SIK2: variants seen among roughly 807,000 people sequenced by gnomAD.
SIK2 encodes serine/threonine-protein kinase SIK2.
In SIK2, 29 loss-of-function variants were observed where a neutral mutation model predicts 103.2. The ratio of observed to expected loss-of-function variants is 0.28; its 90% CI spans 0.21 to 0.38. The LOEUF is 0.38. SIK2 is among the 10% of genes least tolerant of loss of function. The pLI is 1.00. For synonymous variants in SIK2, 412 were observed against 446.1 expected (o/e 0.92, Z 0.96); for missense variants, 879 against 1,171.0 (o/e 0.75, Z 3.64).
At chr11:111,617,747 A>G (rs1356616397) in intron 2 of SIK2, among the ~76,000 whole-genome samples, 2 of 152,002 alleles carry the variant, frequency 1.3e-5, no homozygotes, top group Non-Finnish European at 1.5e-5. Flanking sequence ...TGTTGTGTAT[A>G]TTTTATAATG....
chr11:111,664,609 C>T lies in SIK2; in HGVS notation c.317-23392C>T, dbSNP rs144244747. 4.8e-4 allele frequency among the ~76,000 whole-genome samples: 73 copies of T among 152,252 alleles called. 1 individual carries two copies. The East Asian group carries it at 0.014, about 29-fold the overall frequency. The stretch of plus-strand genomic sequence containing the variant: ...GCAGCGTGGGCGACAGAGCGAGACT[C>T]CATCTCAAAGAAAAAGAAACCAGGT... On this transcript the variant is annotated intron_variant, in intron 3 of 14. Transcript: ENST00000304987.
At chr11:111,648,848 A>ACAT (rs1293340312) in intron 3 of SIK2, among the ~76,000 whole-genome samples, 3 of 151,972 alleles carry the variant, frequency 2.0e-5, no homozygotes, top group Non-Finnish European at 4.4e-5. Flanking sequence ...TTTCATCTGG[A>ACAT]ACAAAAATGA....
chr11:111,698,694 GA>G (rs1943138085), intron 4 of SIK2, among the ~76,000 whole-genome samples: 1 of 152,216 alleles, frequency 6.6e-6, no homozygotes, highest in Admixed American at 6.5e-5. Flanking sequence ...CTGGGCAACA[GA>G]GCAAGACCCT....
At position 111,602,711 on chromosome 11, in the gene SIK2, G is replaced by A. The variant is rs1351186659; in HGVS notation, c.135+13G>A. 1.3e-6 allele frequency: 2 copies of A among 1,498,340 alleles called. No individual in the cohort carries two copies. Among genetic ancestry groups the A allele is most frequent in the Non-Finnish European group, 8.9e-7 (1 of 1,121,674 alleles). The allele number at this position is 1,498,340 out of a possible 1,614,324, so 92.8% of individuals were successfully genotyped here. On this transcript the variant is annotated intron_variant, in intron 1 of 14. Coordinates refer to ENST00000304987, the MANE Select transcript of SIK2 (RefSeq NM_015191.3). The surrounding 1 kb of genome is among the most constrained non-coding windows in gnomAD (Gnocchi z 4.5). ...CACCAAGACGGAGGTGCGGCCCGGGGCTCGGCGGGAGCGTCCGAGGCGAGG... is the reference window on the plus strand; with the variant it reads ...CACCAAGACGGAGGTGCGGCCCGGGACTCGGCGGGAGCGTCCGAGGCGAGG...
intron 3 of SIK2, among the ~76,000 whole-genome samples, chr11:111,675,909 T>G (rs958798374): frequency 1.3e-5 from 2 of 152,168 alleles, no homozygotes; most frequent in African/African-American, 2.4e-5. Flanking sequence ...CGTCCCACCC[T>G]CCACCCTCAA....
At chr11:111,681,902 C>T (rs537216203) in intron 3 of SIK2, among the ~76,000 whole-genome samples, 1 of 152,306 alleles carries the variant, frequency 6.6e-6, no homozygotes, top group African/African-American at 2.4e-5. Flanking sequence ...TTAAATATCA[C>T]TTGGATACTT....
rs184033736 is a variant in SIK2, at chr11:111,644,221, G to C, written c.316+23819G>C. ...GGAGAATCACTTGAACCCAGGAGGCGGAGGTTGTGGTGAGCCGAGATCACG... is the reference window on the plus strand; with the variant it reads ...GGAGAATCACTTGAACCCAGGAGGCCGAGGTTGTGGTGAGCCGAGATCACG... On this transcript the variant is annotated intron_variant, in intron 3 of 14. Transcript: ENST00000304987. 5.3e-5 allele frequency among the ~76,000 whole-genome samples: 8 copies of C among 150,152 alleles called. No homozygotes were observed. The South Asian group carries it at 1.7e-3, about 32-fold the overall frequency.
Position 111,602,520 on chromosome 11 carries a change from C to T in SIK2, c.-44C>T. The T allele has an allele frequency of 1.4e-6, 2 of 1,433,752 alleles. No homozygotes were observed. The highest frequency in any genetic ancestry group is 1.8e-6 in the Non-Finnish European group (2 of 1,094,982). 88.8% of individuals were successfully genotyped at this position (1,433,752 alleles called of 1,614,324 possible). Reference sequence around the variant, plus strand: ...CCAAGCCGCGCTGCCAACCCTCCCGCCCGCCCGCGCTCCTGTCCGCCGTGT... The same window carrying T: ...CCAAGCCGCGCTGCCAACCCTCCCGTCCGCCCGCGCTCCTGTCCGCCGTGT... On this transcript the variant is annotated 5_prime_UTR_variant, in exon 1 of 15. Transcript: ENST00000304987. This position sits in a 1 kb window ranked among gnomAD's most constrained non-coding sequence, Gnocchi z 4.5.
intron 12 of SIK2, 60 bp downstream of exon 12, chr11:111,721,122 G>A: frequency 6.5e-7 from 1 of 1,531,424 alleles, no homozygotes; most frequent in East Asian, 2.3e-5. Context: ...AGTTTGTCCT[G>A]AAGATGGTCA....
chr11:111,658,671 A>C (rs553301964), intron 3 of SIK2, among the ~76,000 whole-genome samples: 1 of 152,120 alleles, frequency 6.6e-6, no homozygotes. Flanking sequence ...GAGCCCGGTG[A>C]TCAAGGATGC....
chr11:111,658,095 TTTATTTATTTA>T (rs1565336576), intron 3 of SIK2, among the ~76,000 whole-genome samples: 26 of 5,030 alleles, frequency 5.2e-3, no homozygotes, highest in African/African-American at 0.019. Context: ...TTTTATTTTA[TTTATTTATTTA>T]TTTATTTATT....
intron 3 of SIK2, among the ~76,000 whole-genome samples, chr11:111,621,978 G>C (rs992077178): frequency 2.7e-5 from 4 of 149,544 alleles, no homozygotes; most frequent in Non-Finnish European, 5.9e-5. Context: ...TTATGTTCTT[G>C]TTGTCATATT....
At position 111,720,782 on chromosome 11, in the gene SIK2, CT is replaced by C. The variant is rs1191336104; in HGVS notation, c.1780+25del. ...CCCAGGGTGAGCACTTCCTCCTCTG[CT>C]TTTTGAAACTCGCGTCGTAGGAGAG... On this transcript the variant is annotated intron_variant, in intron 11 of 14. Transcript: ENST00000304987. The C allele has an allele frequency of 2.5e-6, 4 of 1,573,186 alleles. No individual in the cohort carries two copies. Among genetic ancestry groups the C allele is most frequent in the Non-Finnish European group, 3.4e-6 (4 of 1,161,094 alleles).
intron 3 of SIK2, among the ~76,000 whole-genome samples, chr11:111,622,855 A>G (rs1181408361): frequency 1.3e-5 from 2 of 152,096 alleles, no homozygotes; most frequent in Admixed American, 6.5e-5. Context: ...ACTGGTTTCA[A>G]CAATTTCATT....
In SIK2 at chr11:111,724,169, G is replaced by C. The variant is rs1309225640; in HGVS notation, c.*40G>C. 2.6e-6 allele frequency: 4 copies of C among 1,565,240 alleles called. No homozygotes were observed. In the Admixed American group the frequency reaches 5.4e-5, roughly 21 times the overall value. Reference sequence around the variant, plus strand: ...TTGAGGTGGGTCAGGTGAAGGAAGAGTGTATGTTCCTATTTTTATTCCAGC... The same window carrying C: ...TTGAGGTGGGTCAGGTGAAGGAAGACTGTATGTTCCTATTTTTATTCCAGC... On this transcript the variant is annotated 3_prime_UTR_variant, in exon 15 of 15. Transcript: ENST00000304987.
At chr11:111,659,430 A>T (rs1942439144) in intron 3 of SIK2, among the ~76,000 whole-genome samples, 1 of 152,208 alleles carries the variant, frequency 6.6e-6, no homozygotes. Flanking sequence ...TAATTCAAGG[A>T]TAGGAAGTGC....
Position 111,724,380 on chromosome 11 carries a change from G to T in SIK2, c.*251G>T. The stretch of plus-strand genomic sequence containing the variant: ...TGAGGCTCCTGCCCTTCGGTCGAGT[G>T]GAGCAAGCTCTCGAGGGCAGCACTG... On this transcript the variant is annotated 3_prime_UTR_variant, in exon 15 of 15. Coordinates refer to ENST00000304987, the MANE Select transcript of SIK2 (RefSeq NM_015191.3). The T allele has an allele frequency of 1.9e-6, 1 of 531,504 alleles. No homozygotes were observed. The highest frequency in any genetic ancestry group is 3.3e-6 in the Non-Finnish European group (1 of 298,984). 32.9% of individuals were successfully genotyped at this position (531,504 alleles called of 1,614,324 possible).
At chr11:111,702,314 G>T (rs924653674) in intron 6 of SIK2, among the ~76,000 whole-genome samples, 1 of 152,236 alleles carries the variant, frequency 6.6e-6, no homozygotes, top group Non-Finnish European at 1.5e-5. Context: ...GTCAGGTGCA[G>T]TGGTTTATAC....
chr11:111,669,601 A>G (rs1339287405), intron 3 of SIK2, among the ~76,000 whole-genome samples: 7 of 151,824 alleles, frequency 4.6e-5, no homozygotes, highest in Non-Finnish European at 1.0e-4. Flanking sequence ...AAAAGAAAAA[A>G]AAAGAAAGAA....
Sources: allele counts gnomAD v4.1 joint callset (sites outside exome capture counted in the v4.1 genomes callset), GRCh38; gene constraint gnomAD v4.1.1; non-coding constraint Gnocchi (gnomAD v3.1); transcripts MANE v1.5; gene names NCBI Gene and HGNC (gene_info 2026-07-23, HGNC 2026-07-21).